The following GLDC variants were observed in gnomAD, a reference collection of about 807,000 sequenced individuals.
The protein encoded by GLDC is glycine dehydrogenase (decarboxylating), mitochondrial.
A neutral mutation model predicts 121.3 loss-of-function variants in GLDC; 104 were observed. That is an observed-to-expected ratio of 0.86 (90% confidence interval 0.73 to 1.01). GLDC has a LOEUF of 1.01. GLDC is among the 50% of genes least tolerant of loss of function. GLDC has a pLI of 0.00. For synonymous variants in GLDC, 546 were observed against 480.6 expected (o/e 1.14, Z -1.78); for missense variants, 1,429 against 1,306.6 (o/e 1.09, Z -1.44).
chr9:6,599,914 G>A (rs1276634716), intron 8 of GLDC, among the ~76,000 whole-genome samples: 3 of 152,064 alleles, frequency 2.0e-5, no homozygotes, highest in Non-Finnish European at 4.4e-5. Flanking sequence ...CCAAAGACCC[G>A]TGGCTGCAGA....
At chr9:6,619,248 G>A (rs796381585) in intron 3 of GLDC, among the ~76,000 whole-genome samples, 77 of 151,118 alleles carry the variant, frequency 5.1e-4, no homozygotes, top group Middle Eastern at 3.4e-3. Flanking sequence ...CATAGCTCAG[G>A]CCTCTCTCAT....
At chr9:6,641,507 A>T (rs774809385) in intron 2 of GLDC, among the ~76,000 whole-genome samples, 1 of 152,218 alleles carries the variant, frequency 6.6e-6, no homozygotes, top group Non-Finnish European at 1.5e-5. Context: ...AAAGTAGTGG[A>T]TGGAGTGTGG....
At chr9:6,602,599 T>A (rs1818639086) in intron 7 of GLDC, among the ~76,000 whole-genome samples, 1 of 152,088 alleles carries the variant, frequency 6.6e-6, no homozygotes, top group Non-Finnish European at 1.5e-5. Context: ...GTGATCCGCC[T>A]GCCTTGGCCT....
chr9:6,538,667 G>A (rs556918144), intron 22 of GLDC, among the ~76,000 whole-genome samples: 2 of 152,326 alleles, frequency 1.3e-5, no homozygotes, highest in South Asian at 4.1e-4. Flanking sequence ...GAGACAACAT[G>A]ATTCAGAAAC....
In GLDC at chr9:6,551,011, A is replaced by G. The variant is rs979248703; in HGVS notation, c.2458-97T>C. ...ACACCCCCAGATAAACTCCACCCAC[A>G]AAGGAAGGCAGCCCACCATGACTCT... On this transcript the variant is annotated intron_variant, in intron 20 of 24. Coordinates refer to ENST00000321612, the MANE Select transcript of GLDC (RefSeq NM_000170.3). 3 of 809,230 alleles carry G rather than the reference A, an allele frequency of 3.7e-6. No individual in the cohort carries two copies. The African/African-American group carries it at 5.0e-5, about 14-fold the overall frequency. 50.1% of individuals were successfully genotyped at this position (809,230 alleles called of 1,614,324 possible).
At chr9:6,554,490 T>C (rs1587923088) in intron 19 of GLDC, among the ~76,000 whole-genome samples, 179 bp downstream of exon 19, 1 of 152,308 alleles carries the variant, frequency 6.6e-6, no homozygotes, top group South Asian at 2.1e-4. Flanking sequence ...ATTACGCTTT[T>C]CTTTGGAAAT....
At chr9:6,553,606 A>G in intron 19 of GLDC, 97 bp from the exon 20 acceptor site, 1 of 1,200,292 alleles carries the variant, frequency 8.3e-7, no homozygotes, top group Non-Finnish European at 1.2e-6. Context: ...TGTTCTTAGC[A>G]GAGGAGCTCT....
intron 3 of GLDC, among the ~76,000 whole-genome samples, chr9:6,619,025 C>A (rs1819023549): frequency 6.6e-6 from 1 of 151,738 alleles, no homozygotes; most frequent in Admixed American, 6.6e-5. Context: ...CACCTGTAAT[C>A]CCAGCTACTC....
At chr9:6,639,124 CAG>C (rs1819572724) in intron 2 of GLDC, 1 of 731,494 alleles carries the variant, frequency 1.4e-6, no homozygotes, top group African/African-American at 1.8e-5. Context: ...ATGACAAAAA[CAG>C]AGCTTTTTCA....
intron 8 of GLDC, among the ~76,000 whole-genome samples, chr9:6,601,126 T>C (rs1286834650): frequency 1.3e-5 from 2 of 152,088 alleles, no homozygotes; most frequent in African/African-American, 2.4e-5. Flanking sequence ...TGAGCTGAGA[T>C]TGCGCCACTG....
At chr9:6,629,957 A>ATATATATTTTTTTT in intron 2 of GLDC, among the ~76,000 whole-genome samples, 19 of 83,022 alleles carry the variant, frequency 2.3e-4, no homozygotes, top group Middle Eastern at 4.9e-3. Flanking sequence ...ATATATATAT[A>ATATATATTTTTTTT]TTTTTTTTTT....
At chr9:6,617,149 T>C (rs1028172664) in intron 3 of GLDC, among the ~76,000 whole-genome samples, 6 of 152,190 alleles carry the variant, frequency 3.9e-5, no homozygotes, top group African/African-American at 1.4e-4. Flanking sequence ...TTCAGAAGGA[T>C]GATAATGTGA....
intron 16 of GLDC, among the ~76,000 whole-genome samples, chr9:6,561,739 G>T (rs1468987470): frequency 2.0e-5 from 3 of 152,166 alleles, no homozygotes; most frequent in African/African-American, 4.8e-5. Flanking sequence ...TCCAGCATTT[G>T]GTGCATTGAT....
chr9:6,583,484 G>T (rs895724323), intron 15 of GLDC, among the ~76,000 whole-genome samples: 1 of 152,132 alleles, frequency 6.6e-6, no homozygotes, highest in Non-Finnish European at 1.5e-5. Flanking sequence ...AGACCAGCCT[G>T]GGCAATGTAG....
At chr9:6,566,657 T>C (rs964610874) in intron 15 of GLDC, 7 of 152,170 alleles carry the variant, frequency 4.6e-5, no homozygotes, top group African/African-American at 1.7e-4. Flanking sequence ...TTATTTCATG[T>C]TCCCAGTACC....
chr9:6,559,475 A>G (rs1427860912), intron 16 of GLDC, among the ~76,000 whole-genome samples: 1 of 139,902 alleles, frequency 7.1e-6, no homozygotes, highest in Non-Finnish European at 1.5e-5. Flanking sequence ...AGATTGCGCT[A>G]TTGCACTCCA....
chr9:6,636,127 AC>A (rs1247024669), intron 2 of GLDC, among the ~76,000 whole-genome samples: 1 of 151,694 alleles, frequency 6.6e-6, no homozygotes, highest in Non-Finnish European at 1.5e-5. Flanking sequence ...ACATGGTGAA[AC>A]CCCCGTCTCT....
chr9:6,622,504 G>T (rs531522088), intron 2 of GLDC, among the ~76,000 whole-genome samples: 1 of 152,074 alleles, frequency 6.6e-6, no homozygotes, highest in Non-Finnish European at 1.5e-5. Flanking sequence ...TCGGCCTCCC[G>T]AGGTGCCGGG....
chr9:6,539,101 C>T (rs1817198327), intron 22 of GLDC, among the ~76,000 whole-genome samples: 1 of 152,160 alleles, frequency 6.6e-6, no homozygotes, highest in East Asian at 1.9e-4. Context: ...ACTCCATATC[C>T]ATTGAATGGC....
Sources: gnomAD v4.1 joint callset for allele counts (sites outside exome capture counted in the v4.1 genomes callset) on GRCh38, gnomAD v4.1.1 for gene constraint, MANE v1.5 for transcripts, NCBI Gene and HGNC (gene_info 2026-07-23, HGNC 2026-07-21) for gene names.